TUSC3: variants seen among roughly 807,000 people sequenced by gnomAD.
TUSC3 encodes the protein dolichyl-diphosphooligosaccharide--protein glycosyltransferase subunit TUSC3.
In TUSC3, 45 loss-of-function variants were observed where a neutral mutation model predicts 44.8. The observed-to-expected ratio is 1.00, with a 90% CI of 0.79 to 1.29. The LOEUF (loss-of-function observed/expected upper bound fraction) is 1.29. Among genes scored for constraint, TUSC3 ranks in the 50% most tolerant of loss-of-function variants. TUSC3 has a pLI of 0.00. For synonymous variants in TUSC3, 212 were observed against 152.9 expected (o/e 1.39, Z -2.85); for missense variants, 519 against 437.9 (o/e 1.19, Z -1.65).
the TUSC3 span, among the ~76,000 whole-genome samples, chr8:15,812,196 A>G: frequency 6.6e-6 from 1 of 152,212 alleles, no homozygotes; most frequent in Non-Finnish European, 1.5e-5. Flanking sequence ...AATCCTATAA[A>G]CAAATAAGTA....
intron 2 of TUSC3, among the ~76,000 whole-genome samples, chr8:15,625,543 A>G (rs1265938255): frequency 6.6e-6 from 1 of 152,202 alleles, no homozygotes; most frequent in Non-Finnish European, 1.5e-5. Context: ...GTTTGTTTAT[A>G]TCTTCTTGGC....
chr8:15,661,269 A>G (rs556365859), intron 4 of TUSC3, among the ~76,000 whole-genome samples: 1 of 152,094 alleles, frequency 6.6e-6, no homozygotes, highest in African/African-American at 2.4e-5. Flanking sequence ...TACCCTTTAC[A>G]TTGTCCACCT....
At chr8:15,480,868 G>A (rs1440938162) in intron 1 of TUSC3, among the ~76,000 whole-genome samples, 4 of 152,100 alleles carry the variant, frequency 2.6e-5, no homozygotes, top group Non-Finnish European at 4.4e-5. Flanking sequence ...CGAATTTTGA[G>A]GTGATACAAT....
chr8:15,504,844 G>C (rs1453146184), intron 2 of TUSC3, among the ~76,000 whole-genome samples: 1 of 150,708 alleles, frequency 6.6e-6, no homozygotes, highest in African/African-American at 2.4e-5. Flanking sequence ...AGTAGAGATA[G>C]GGTTTCACCG....
At chr8:15,681,306 C>A (rs562098761) in intron 6 of TUSC3, among the ~76,000 whole-genome samples, 9 of 151,334 alleles carry the variant, frequency 5.9e-5, no homozygotes, top group Admixed American at 2.6e-4. Flanking sequence ...TGGTCCAGGG[C>A]TTTTTTTGGT....
At chr8:15,833,933 T>C in the TUSC3 span, among the ~76,000 whole-genome samples, 1 of 152,164 alleles carries the variant, frequency 6.6e-6, no homozygotes, top group African/African-American at 2.4e-5. Flanking sequence ...TACTGATCAG[T>C]TCATTTTTTC....
intron 2 of TUSC3, among the ~76,000 whole-genome samples, chr8:15,496,475 T>C (rs898868182): frequency 6.6e-6 from 1 of 152,218 alleles, no homozygotes; most frequent in Non-Finnish European, 1.5e-5. Flanking sequence ...ATTGGCCATC[T>C]TGATCAAACA....
chr8:15,828,917 A>C, the TUSC3 span, among the ~76,000 whole-genome samples: 1 of 152,216 alleles, frequency 6.6e-6, no homozygotes, highest in Non-Finnish European at 1.5e-5. Flanking sequence ...GAGTGAAAGA[A>C]AATACATGAA....
intron 1 of TUSC3, among the ~76,000 whole-genome samples, chr8:15,554,941 A>G (rs879064698): frequency 6.6e-6 from 1 of 151,348 alleles, no homozygotes; most frequent in Admixed American, 6.6e-5. Context: ...TACTGTGGAA[A>G]TAGGTAAATT....
intron 5 of TUSC3, among the ~76,000 whole-genome samples, chr8:15,663,718 T>A (rs1217058304): frequency 1.3e-5 from 2 of 151,948 alleles, no homozygotes; most frequent in East Asian, 3.9e-4. Flanking sequence ...GATTAATTAA[T>A]TGTACTGTAT....
chr8:15,664,106 C>G (rs1807547963), intron 5 of TUSC3, among the ~76,000 whole-genome samples: 1 of 151,710 alleles, frequency 6.6e-6, no homozygotes, highest in Non-Finnish European at 1.5e-5. Flanking sequence ...TTGGGGTATG[C>G]TTCATAACTG....
intron 6 of TUSC3, among the ~76,000 whole-genome samples, chr8:15,694,901 C>A (rs144335097): frequency 6.6e-6 from 1 of 152,190 alleles, no homozygotes; most frequent in Admixed American, 6.5e-5. Context: ...GGTTCACTTA[C>A]GCCAGCAGCA....
At chr8:15,752,862 T>C (rs892104052) in intron 9 of TUSC3, among the ~76,000 whole-genome samples, 1 of 152,020 alleles carries the variant, frequency 6.6e-6, no homozygotes, top group Non-Finnish European at 1.5e-5. Context: ...AGCACCAAGA[T>C]AATAACTTAC....
intron 1 of TUSC3, among the ~76,000 whole-genome samples, chr8:15,601,384 G>A (rs1804283835): frequency 6.6e-6 from 1 of 151,660 alleles, no homozygotes; most frequent in African/African-American, 2.4e-5. Context: ...CGGGTTTATA[G>A]TTTGAATGGA....
chr8:15,617,138 ATT>A (rs71211064), intron 1 of TUSC3, among the ~76,000 whole-genome samples: 10,292 of 88,174 alleles, frequency 0.12, 695 homozygotes, highest in East Asian at 0.34. Context: ...GTGTGTATAT[ATT>A]TTTTTTTTTT....
At chr8:15,550,225 T>A (rs1203241594) in intron 1 of TUSC3, among the ~76,000 whole-genome samples, 1 of 151,738 alleles carries the variant, frequency 6.6e-6, no homozygotes, top group African/African-American at 2.4e-5. Flanking sequence ...TTTCTGCCTT[T>A]TAGTTTTTAT....
chr8:15,466,363 A>G (rs1170886368), intron 1 of TUSC3, among the ~76,000 whole-genome samples: 1 of 152,166 alleles, frequency 6.6e-6, no homozygotes, highest in Non-Finnish European at 1.5e-5. Flanking sequence ...ACTCAAAGCA[A>G]TTACATGACT....
chr8:15,550,086 C>G (rs890701500), intron 1 of TUSC3, among the ~76,000 whole-genome samples: 2 of 151,300 alleles, frequency 1.3e-5, no homozygotes, highest in Non-Finnish European at 2.9e-5. Flanking sequence ...TAGAATGGAA[C>G]AGAACAGGAC....
rs376551455 is a variant in TUSC3, at chr8:15,479,232, T to C, written n.92-4154T>C. ...CAAAAATTTTCTCCCATTCTGTAGGTTGTCTGTTTACTCTGATGATAGTTT... is the reference window on the plus strand; with the variant it reads ...CAAAAATTTTCTCCCATTCTGTAGGCTGTCTGTTTACTCTGATGATAGTTT... On this transcript the variant is annotated intron_variant and non_coding_transcript_variant, in intron 1 of 5. Coordinates refer to the TUSC3 transcript ENST00000503191. Among the ~76,000 whole-genome samples, 525 of 152,272 alleles carry C rather than the reference T, an allele frequency of 3.4e-3. 2 individuals carry two copies. The highest frequency in any genetic ancestry group is 0.012 in the African/African-American group (510 of 41,562).
Sources: gnomAD v4.1 joint callset for allele counts (sites outside exome capture counted in the v4.1 genomes callset) on GRCh38, gnomAD v4.1.1 for gene constraint, MANE v1.5 for transcripts, NCBI Gene and HGNC (gene_info 2026-07-23, HGNC 2026-07-21) for gene names.